FHL5: variants seen among roughly 807,000 people sequenced by gnomAD.
The protein encoded by FHL5 is four and a half LIM domains 5.
FHL5 carries 33 observed loss-of-function variants against 32.0 expected under a neutral mutation model. The observed-to-expected ratio is 1.03, with a 90% confidence interval of 0.78 to 1.38. The LOEUF is 1.38. Ranked by LOEUF, FHL5 falls within the 40% of genes most tolerant of loss-of-function variation. FHL5 has a pLI of 0.00. For synonymous variants in FHL5, 114 were observed against 113.6 expected (o/e 1.00, Z -0.02); for missense variants, 336 against 343.9 (o/e 0.98, Z 0.18).
chr6:96,592,312 G>T (rs1406977673), intron 1 of FHL5, among the ~76,000 whole-genome samples: 1 of 152,174 alleles, frequency 6.6e-6, no homozygotes, highest in Non-Finnish European at 1.5e-5. Context: ...CTGAGAAAAA[G>T]AATTCAGTGA....
At chr6:96,572,556 C>T (rs1770501930) in intron 1 of FHL5, among the ~76,000 whole-genome samples, 1 of 152,150 alleles carries the variant, frequency 6.6e-6, no homozygotes, top group Admixed American at 6.5e-5. Flanking sequence ...TTGAGTAAGG[C>T]TCAGTCTAGC....
At chr6:96,585,917 C>T (rs1770788033) in intron 1 of FHL5, among the ~76,000 whole-genome samples, 1 of 152,142 alleles carries the variant, frequency 6.6e-6, no homozygotes, top group African/African-American at 2.4e-5. Context: ...TTTATTTGCA[C>T]AATGCTGTGT....
At chr6:96,603,437 C>T (rs1006321623) in intron 1 of FHL5, among the ~76,000 whole-genome samples, 165 bp from the exon 2 acceptor site, 1 of 152,032 alleles carries the variant, frequency 6.6e-6, no homozygotes, top group African/African-American at 2.4e-5. Context: ...TAAATCACTC[C>T]AAATGTCACC....
intron 5 of FHL5, among the ~76,000 whole-genome samples, chr6:96,613,857 A>C (rs886928771): frequency 5.9e-5 from 9 of 152,196 alleles, no homozygotes; most frequent in South Asian, 2.1e-4. Context: ...CCATGAAGGT[A>C]AGGTGAGGGC....
At chr6:96,610,478 T>A in intron 4 of FHL5, 94 bp from the exon 5 acceptor site, 1 of 901,706 alleles carries the variant, frequency 1.1e-6, no homozygotes, top group Non-Finnish European at 1.7e-6. Context: ...TGCTTCCTTT[T>A]CTCCCCAGAG....
At position 96,615,634 on chromosome 6, in the gene FHL5, C is replaced by G; in HGVS notation, c.717C>G (p.Cys239Trp). The change falls in exon 6 of 6, where the codon TGC becomes TGG. Residue 239 changes from cysteine (C) to tryptophan (W), a missense_variant. Transcript: ENST00000450218. ...GTCTCACAGGTGCCAAGTTTATCTGCTTTCAAGACAGCCAGTGGCATAGCG... is the reference window on the plus strand; with the variant it reads ...GTCTCACAGGTGCCAAGTTTATCTGGTTTCAAGACAGCCAGTGGCATAGCG... ...ISGLTGAKFI[C>W]FQDSQWHSEC... 6.2e-7 allele frequency: 1 copy of G among 1,611,768 alleles called. No homozygotes were observed. Among genetic ancestry groups the G allele is most frequent in the South Asian group, 1.1e-5 (1 of 90,572 alleles).
At chr6:96,568,589 T>A (rs1399538656) in intron 1 of FHL5, among the ~76,000 whole-genome samples, 3 of 151,924 alleles carry the variant, frequency 2.0e-5, no homozygotes, top group Admixed American at 6.5e-5. Flanking sequence ...AGCTGTCATA[T>A]TCTGAGCTTC....
rs147279331 is a variant in FHL5 at position 96,609,477 on chromosome 6, T to G, written c.505-1095T>G. On this transcript the variant is annotated intron_variant, in intron 4 of 5. Transcript: ENST00000450218. ...TTATCCATCTGATTCTAACTAAAGATTTCTCAGCCTTTTAAAAAGTAGAAT... is the reference window on the plus strand; with the variant it reads ...TTATCCATCTGATTCTAACTAAAGAGTTCTCAGCCTTTTAAAAAGTAGAAT... Among the ~76,000 whole-genome samples, 618 of 152,328 alleles carry G rather than the reference T, an allele frequency of 4.1e-3. 6 individuals carry two copies. The highest frequency in any genetic ancestry group is 0.014 in the African/African-American group (595 of 41,578).
rs767473579 is a variant in FHL5 at position 96,604,811 on chromosome 6, A to G, written c.221A>G (p.His74Arg). ...TGCTTCAAGTGCACCAAATGCAATC[A>G]CTCTTTGGTGGAAAAGCCTTTTGCT... is the stretch of plus-strand genomic sequence containing the variant. Reference protein sequence around the residue: ...EGCFKCTKCNHSLVEKPFAAK... With the variant: ...EGCFKCTKCNRSLVEKPFAAK... The change falls in exon 3 of 6, where the codon CAC becomes CGC. Residue 74 changes from histidine (H) to arginine (R), a missense_variant. Coordinates refer to ENST00000450218, the MANE Select transcript of FHL5 (RefSeq NM_001322466.2). The G allele has an allele frequency of 1.9e-6, 3 of 1,613,758 alleles. No homozygotes were observed. Among genetic ancestry groups the G allele is most frequent in the Non-Finnish European group, 2.5e-6 (3 of 1,179,710 alleles).
At chr6:96,608,699 A>G (rs1771335998) in intron 4 of FHL5, among the ~76,000 whole-genome samples, 1 of 152,204 alleles carries the variant, frequency 6.6e-6, no homozygotes, top group Non-Finnish European at 1.5e-5. Flanking sequence ...TGAGTGCAAA[A>G]TCATTATTGC....
At chr6:96,590,910 C>T (rs1300552528) in intron 1 of FHL5, among the ~76,000 whole-genome samples, 1 of 152,040 alleles carries the variant, frequency 6.6e-6, no homozygotes, top group African/African-American at 2.4e-5. Flanking sequence ...TTAAACTGAA[C>T]TTGGCATTCC....
intron 1 of FHL5, among the ~76,000 whole-genome samples, chr6:96,574,611 A>C (rs934218701): frequency 3.9e-5 from 6 of 152,186 alleles, no homozygotes; most frequent in Admixed American, 6.5e-5. Context: ...GCAGATCTCT[A>C]CTGTAGAGCC....
chr6:96,585,847 C>A (rs538426411), intron 1 of FHL5, among the ~76,000 whole-genome samples: 3 of 152,228 alleles, frequency 2.0e-5, no homozygotes, highest in African/African-American at 7.2e-5. Context: ...AAAGTAAAAG[C>A]CCTCTTTAAA....
At chr6:96,565,120 C>T (rs1770328838) in intron 1 of FHL5, among the ~76,000 whole-genome samples, 2 of 152,108 alleles carry the variant, frequency 1.3e-5, no homozygotes, top group South Asian at 2.1e-4. Flanking sequence ...TTATTGATGA[C>T]ATACCCTAGT....
intron 1 of FHL5, among the ~76,000 whole-genome samples, chr6:96,590,743 A>G (rs1484362909): frequency 6.6e-6 from 1 of 152,098 alleles, no homozygotes; most frequent in Admixed American, 6.5e-5. Flanking sequence ...TTTAAACCAC[A>G]TTGAAGAAGT....
At chr6:96,576,136 A>T (rs1770580037) in intron 1 of FHL5, among the ~76,000 whole-genome samples, 1 of 152,180 alleles carries the variant, frequency 6.6e-6, no homozygotes, top group Admixed American at 6.5e-5. Context: ...TCAACCTTCA[A>T]GGCACAGCTC....
At chr6:96,588,243 C>G (rs1770841446) in intron 1 of FHL5, among the ~76,000 whole-genome samples, 2 of 152,208 alleles carry the variant, frequency 1.3e-5, no homozygotes, top group Admixed American at 1.3e-4. Context: ...CGAAGTCTCA[C>G]TCTATTGCCC....
chr6:96,594,269 ATATATG>A (rs1205314215), intron 1 of FHL5, among the ~76,000 whole-genome samples: 309 of 82,022 alleles, frequency 3.8e-3, no homozygotes, highest in African/African-American at 7.4e-3. Flanking sequence ...ATATATATAT[ATATATG>A]TATGTATGTA....
chr6:96,604,975 A>C, intron 3 of FHL5, 51 bp downstream of exon 3: 1 of 1,440,848 alleles, frequency 6.9e-7, no homozygotes, highest in Non-Finnish European at 9.4e-7. Context: ...GATGCTTTTC[A>C]TTAAGTCCCA....
Sources: gnomAD v4.1 joint callset for allele counts (sites outside exome capture counted in the v4.1 genomes callset) on GRCh38, gnomAD v4.1.1 for gene constraint, MANE v1.5 for transcripts, NCBI Gene and HGNC (gene_info 2026-07-23, HGNC 2026-07-21) for gene names.